The following PPARGC1A variants were observed in gnomAD, a reference collection of about 807,000 sequenced individuals.
PPARGC1A encodes the protein peroxisome proliferator-activated receptor gamma coactivator 1-alpha.
In PPARGC1A, 25 loss-of-function variants were observed where a neutral mutation model predicts 88.7. The observed-to-expected ratio is 0.28, with a 90% CI of 0.21 to 0.39. The LOEUF (loss-of-function observed/expected upper bound fraction) is 0.39. Among genes scored for constraint, PPARGC1A ranks in the 10% least tolerant of loss-of-function variants. The pLI, the probability that PPARGC1A is intolerant of heterozygous loss-of-function variation, is 1.00. For synonymous variants in PPARGC1A, 363 were observed against 355.6 expected (o/e 1.02, Z -0.24); for missense variants, 880 against 968.7 (o/e 0.91, Z 1.22).
the PPARGC1A span, among the ~76,000 whole-genome samples, chr4:24,132,402 G>A: frequency 1.3e-5 from 2 of 151,976 alleles, no homozygotes; most frequent in African/African-American, 4.8e-5. Context: ...CTAGAGTCCC[G>A]GTGACTTTGC....
the PPARGC1A span, among the ~76,000 whole-genome samples, chr4:24,024,858 A>G: frequency 0.41 from 61,856 of 152,080 alleles, 13,005 homozygotes; most frequent in Admixed American, 0.54. Flanking sequence ...CTAATATAAT[A>G]TCAAGTGACA....
At chr4:24,303,777 C>A in the PPARGC1A span, among the ~76,000 whole-genome samples, 14 of 151,874 alleles carry the variant, frequency 9.2e-5, no homozygotes, top group Admixed American at 9.2e-4. Flanking sequence ...CAGTGTTGTA[C>A]AAAAGAAGAA....
the PPARGC1A span, among the ~76,000 whole-genome samples, chr4:24,301,314 T>C: frequency 6.6e-6 from 1 of 152,188 alleles, no homozygotes; most frequent in African/African-American, 2.4e-5. Flanking sequence ...ATGAGGTTCA[T>C]GTTGATGAGA....
the PPARGC1A span, among the ~76,000 whole-genome samples, chr4:24,425,804 A>T: frequency 6.6e-6 from 1 of 152,204 alleles, no homozygotes; most frequent in Non-Finnish European, 1.5e-5. Flanking sequence ...CACATCTAGG[A>T]TCAAATTGTC....
chr4:24,228,174 A>C, the PPARGC1A span, among the ~76,000 whole-genome samples: 44 of 152,270 alleles, frequency 2.9e-4, no homozygotes, highest in African/African-American at 1.1e-3. Context: ...GGTTACAGTG[A>C]TGGGCCATTT....
intron 1 of PPARGC1A, among the ~76,000 whole-genome samples, chr4:23,886,856 T>TAAAA (rs11332760): frequency 7.3e-6 from 1 of 136,314 alleles, no homozygotes; most frequent in African/African-American, 2.8e-5. Context: ...GCATAGTCTT[T>TAAAA]AAAAAAAAAA....
At chr4:23,811,911 T>A (rs1577361367) in intron 10 of PPARGC1A, among the ~76,000 whole-genome samples, 4 of 54,048 alleles carry the variant, frequency 7.4e-5, no homozygotes, top group African/African-American at 2.5e-4. Context: ...TTTTTTTTTT[T>A]TTTTTTTTTT....
At chr4:24,287,066 A>G in the PPARGC1A span, among the ~76,000 whole-genome samples, 1 of 152,156 alleles carries the variant, frequency 6.6e-6, no homozygotes, top group Non-Finnish European at 1.5e-5. Flanking sequence ...GAGGTTCTCA[A>G]CCACGGTACC....
the PPARGC1A span, among the ~76,000 whole-genome samples, chr4:23,916,568 T>TAA: frequency 1.3e-5 from 2 of 151,962 alleles, no homozygotes; most frequent in African/African-American, 4.8e-5. Context: ...CCTGCTTTTT[T>TAA]AAAAAAAACA....
the PPARGC1A span, among the ~76,000 whole-genome samples, chr4:24,082,772 A>G: frequency 2.6e-5 from 4 of 152,144 alleles, no homozygotes; most frequent in Non-Finnish European, 4.4e-5. Flanking sequence ...ATGAAAATCA[A>G]TGTTCAAGAA....
the PPARGC1A span, among the ~76,000 whole-genome samples, chr4:24,017,989 A>ACT: frequency 6.6e-6 from 1 of 152,222 alleles, no homozygotes; most frequent in Admixed American, 6.5e-5. Context: ...TTCCTGTCTC[A>ACT]GAAAGAGATA....
At chr4:24,114,752 T>TAGGATGCA in the PPARGC1A span, among the ~76,000 whole-genome samples, 2 of 152,326 alleles carry the variant, frequency 1.3e-5, no homozygotes, top group Non-Finnish European at 2.9e-5. Context: ...TATTACTGTT[T>TAGGATGCA]AGGATGCAAA....
At chr4:23,976,433 T>C in the PPARGC1A span, among the ~76,000 whole-genome samples, 1 of 152,180 alleles carries the variant, frequency 6.6e-6, no homozygotes, top group Non-Finnish European at 1.5e-5. Flanking sequence ...TGTATAACTT[T>C]TGCTTTCCAA....
At chr4:23,797,911 A>G (rs926697271) in intron 12 of PPARGC1A, among the ~76,000 whole-genome samples, 2 of 152,152 alleles carry the variant, frequency 1.3e-5, no homozygotes, top group Middle Eastern at 3.4e-3. Context: ...ACACATCCAG[A>G]TGGCCGGTTC....
the PPARGC1A span, among the ~76,000 whole-genome samples, chr4:24,066,865 T>C: frequency 6.9e-6 from 1 of 144,446 alleles, no homozygotes; most frequent in African/African-American, 2.6e-5. Context: ...TTTTTTTTTT[T>C]TTTTTTGCCT....
Position 23,801,901 on chromosome 4 carries a change from G to T in PPARGC1A, c.2142-20C>A, listed in dbSNP as rs199797442. 1 of 1,613,266 alleles carries T rather than the reference G, an allele frequency of 6.2e-7. No individual in the cohort carries two copies. Among genetic ancestry groups the T allele is most frequent in the Non-Finnish European group, 8.5e-7 (1 of 1,179,578 alleles). ...CTGTCTCTGCAACGGACAAAGAAAA[G>T]TTCAAAGCTGGTTAAGAAGTATTAG... On this transcript the variant is annotated intron_variant, in intron 11 of 12. Transcript: ENST00000264867.
intron 11 of PPARGC1A, 103 bp downstream of exon 11, chr4:23,802,121 T>A: frequency 6.7e-7 from 1 of 1,493,654 alleles, no homozygotes; most frequent in East Asian, 2.3e-5. Context: ...ACATGTCATC[T>A]GTCAAAGCAC....
chr4:23,871,456 G>A (rs1398865865), intron 2 of PPARGC1A, among the ~76,000 whole-genome samples: 7 of 152,182 alleles, frequency 4.6e-5, no homozygotes, highest in African/African-American at 1.7e-4. Context: ...CAAACTTTCA[G>A]GCATTTGCCC....
At chr4:24,010,704 T>C in the PPARGC1A span, among the ~76,000 whole-genome samples, 1 of 152,330 alleles carries the variant, frequency 6.6e-6, no homozygotes, top group East Asian at 1.9e-4. Flanking sequence ...AGGGCAGTAG[T>C]TTTGATAAAT....
Sources: gnomAD v4.1 joint callset for allele counts (sites outside exome capture counted in the v4.1 genomes callset) on GRCh38, gnomAD v4.1.1 for gene constraint, MANE v1.5 for transcripts, NCBI Gene and HGNC (gene_info 2026-07-23, HGNC 2026-07-21) for gene names.